Variants in ASIC2 observed in about 807,000 individuals in gnomAD.
ASIC2 encodes the protein acid-sensing ion channel 2.
In ASIC2, 25 loss-of-function variants were observed where a neutral mutation model predicts 57.3. That is an observed-to-expected ratio of 0.44 (90% CI 0.32 to 0.61). The LOEUF (loss-of-function observed/expected upper bound fraction) is 0.61, where lower values mean the gene tolerates loss of function less well. Ranked by LOEUF, ASIC2 falls within the 20% of genes least tolerant of loss-of-function variation. The pLI, the probability that ASIC2 is intolerant of heterozygous loss-of-function variation, is 0.06. For synonymous variants in ASIC2, 319 were observed against 307.5 expected, an observed-to-expected ratio of 1.04 and a Z score of -0.39; for missense variants, 641 against 738.1, an observed-to-expected ratio of 0.87 and a Z score of 1.52.
intron 1 of ASIC2, among the ~76,000 whole-genome samples, chr17:33,966,274 C>A (rs1266435497): frequency 6.6e-6 from 1 of 152,104 alleles, no homozygotes; most frequent in Non-Finnish European, 1.5e-5. Context: ...ATGAGGATAG[C>A]ATGGGCTTTG....
chr17:34,028,041 G>T (rs1907444398), intron 1 of ASIC2, among the ~76,000 whole-genome samples: 1 of 152,230 alleles, frequency 6.6e-6, no homozygotes, highest in Non-Finnish European at 1.5e-5. Flanking sequence ...GGAAAATGAG[G>T]TTCAGAGGTG....
At chr17:33,648,375 G>A (rs555722377) in intron 1 of ASIC2, among the ~76,000 whole-genome samples, 101 of 152,336 alleles carry the variant, frequency 6.6e-4, no homozygotes, top group African/African-American at 2.3e-3. Context: ...AACACCCCCT[G>A]CCTGGGTTAT....
At chr17:33,440,670 T>C (rs1383629621) in intron 1 of ASIC2, among the ~76,000 whole-genome samples, 1 of 152,248 alleles carries the variant, frequency 6.6e-6, no homozygotes, top group Non-Finnish European at 1.5e-5. Flanking sequence ...AGATGTGTAG[T>C]GATATCTCAC....
intron 1 of ASIC2, among the ~76,000 whole-genome samples, chr17:33,782,569 A>C (rs1271247932): frequency 1.3e-5 from 2 of 152,086 alleles, no homozygotes; most frequent in African/African-American, 4.8e-5. Context: ...TCTACTAAAA[A>C]ACACAAAAAA....
At chr17:33,203,448 G>A (rs1906953232) in intron 1 of ASIC2, among the ~76,000 whole-genome samples, 1 of 152,160 alleles carries the variant, frequency 6.6e-6, no homozygotes, top group South Asian at 2.1e-4. Context: ...GTAGAATGAT[G>A]CGAAGAAATG....
intron 1 of ASIC2, among the ~76,000 whole-genome samples, chr17:33,719,048 C>T (rs1384818619): frequency 6.6e-6 from 1 of 152,212 alleles, no homozygotes; most frequent in Non-Finnish European, 1.5e-5. Context: ...AGCCTTGACT[C>T]CCTGGCTGCC....
chr17:33,088,822 GA>G (rs374050459), intron 3 of ASIC2, 40 bp downstream of exon 3: 1 of 1,569,506 alleles, frequency 6.4e-7, no homozygotes, highest in African/African-American at 1.4e-5. Flanking sequence ...GGGGTCGGGG[GA>G]GGCTGAGGAC....
chr17:33,705,479 T>G (rs1283803294), intron 1 of ASIC2, among the ~76,000 whole-genome samples: 2 of 152,226 alleles, frequency 1.3e-5, no homozygotes, highest in African/African-American at 2.4e-5. Context: ...GAAGAGATGA[T>G]TCTGAATTAT....
At chr17:33,501,019 G>A (rs895792395) in intron 1 of ASIC2, among the ~76,000 whole-genome samples, 1 of 152,210 alleles carries the variant, frequency 6.6e-6, no homozygotes, top group African/African-American at 2.4e-5. Context: ...GGATGAGAAC[G>A]GGATCCCTGA....
At chr17:33,922,608 A>C (rs1915730670) in intron 1 of ASIC2, among the ~76,000 whole-genome samples, 1 of 152,236 alleles carries the variant, frequency 6.6e-6, no homozygotes. Context: ...AATGTGAACT[A>C]TGTATCAGGC....
chr17:33,579,815 T>G (rs549492574), intron 1 of ASIC2, among the ~76,000 whole-genome samples: 1 of 152,182 alleles, frequency 6.6e-6, no homozygotes, highest in Admixed American at 6.5e-5. Flanking sequence ...CCCCTTGGAT[T>G]TCGGCGTCTG....
chr17:33,913,556 T>G (rs1915514244), intron 1 of ASIC2, among the ~76,000 whole-genome samples: 1 of 152,188 alleles, frequency 6.6e-6, no homozygotes, highest in Admixed American at 6.5e-5. Context: ...ATTCCAGGAC[T>G]TCACTACCAT....
In ASIC2 at chr17:33,317,886, A is replaced by AGTGT. The variant is rs57716479; in HGVS notation, c.556-205823_556-205820dup. On this transcript the variant is annotated intron_variant, in intron 1 of 9. Coordinates refer to the ASIC2 transcript ENST00000359872. Reference sequence around the variant, plus strand: ...AAATGGATTTGGACGTGTGGAGATGAGTGTGTGTGTGTGTGTGTGTGTGTG... The same window carrying AGTGT: ...AAATGGATTTGGACGTGTGGAGATGAGTGTGTGTGTGTGTGTGTGTGTGTGTGTG... Among the ~76,000 whole-genome samples, 872 of 144,550 alleles carry AGTGT rather than the reference A, an allele frequency of 6.0e-3. 4 individuals carry two copies. The highest frequency in any genetic ancestry group is 8.7e-3 in the African/African-American group (336 of 38,594). The allele number at this position is 144,550 out of a possible 152,430, so 94.8% of individuals were successfully genotyped here.
chr17:33,303,697 C>G (rs1056202021), intron 1 of ASIC2, among the ~76,000 whole-genome samples: 2 of 152,048 alleles, frequency 1.3e-5, no homozygotes, highest in African/African-American at 4.8e-5. Flanking sequence ...TCTTATTTTC[C>G]CATCTACCCT....
At chr17:34,101,995 C>A (rs975444358) in intron 1 of ASIC2, among the ~76,000 whole-genome samples, 1 of 152,020 alleles carries the variant, frequency 6.6e-6, no homozygotes, top group Non-Finnish European at 1.5e-5. Context: ...AATGCATAAA[C>A]AATAACTGTA....
chr17:33,531,202 A>G (rs1356665358), intron 1 of ASIC2, among the ~76,000 whole-genome samples: 1 of 152,168 alleles, frequency 6.6e-6, no homozygotes, highest in Non-Finnish European at 1.5e-5. Context: ...AACGTTCCAG[A>G]AAGGCTTAGG....
At chr17:33,859,750 G>A (rs1031452644) in intron 1 of ASIC2, among the ~76,000 whole-genome samples, 2 of 152,150 alleles carry the variant, frequency 1.3e-5, no homozygotes, top group African/African-American at 4.8e-5. Flanking sequence ...GTGTGATCAT[G>A]GCTCACTGCA....
intron 1 of ASIC2, among the ~76,000 whole-genome samples, chr17:33,416,488 C>T (rs1005312352): frequency 6.6e-6 from 1 of 152,164 alleles, no homozygotes; most frequent in African/African-American, 2.4e-5. Flanking sequence ...TTGAGGGTCT[C>T]ATGATGCCTG....
At chr17:33,567,476 G>A (rs1916273936) in intron 1 of ASIC2, among the ~76,000 whole-genome samples, 1 of 152,200 alleles carries the variant, frequency 6.6e-6, no homozygotes, top group African/African-American at 2.4e-5. Context: ...AGGAGCAAGT[G>A]CCAGGAACTG....
Sources: gnomAD v4.1 joint callset for allele counts (sites outside exome capture counted in the v4.1 genomes callset) on GRCh38, gnomAD v4.1.1 for gene constraint, MANE v1.5 for transcripts, NCBI Gene and HGNC (gene_info 2026-07-23, HGNC 2026-07-21) for gene names.